NEXMIF: variants seen among roughly 807,000 people sequenced by gnomAD.
The protein encoded by NEXMIF is neurite extension and migration factor.
NEXMIF carries 8 observed loss-of-function variants against 62.1 expected under a neutral mutation model. That is an observed-to-expected ratio of 0.13 (90% CI 0.08 to 0.23). The LOEUF (loss-of-function observed/expected upper bound fraction) is 0.23. Among genes scored for constraint, NEXMIF ranks in the 10% least tolerant of loss-of-function variants. The pLI, the probability that NEXMIF is intolerant of heterozygous loss-of-function variation, is 1.00. For missense variants in NEXMIF, 976 were observed against 1,113.3 expected, an observed-to-expected ratio of 0.88 and a Z score of 1.75; for synonymous variants, 404 against 416.6, an observed-to-expected ratio of 0.97 and a Z score of 0.37.
chrX:74,863,954 A>T (rs2080567604), intron 1 of NEXMIF, among the ~76,000 whole-genome samples: 1 of 112,467 alleles, frequency 8.9e-6, no homozygotes, highest in African/African-American at 3.2e-5. Flanking sequence ...AGGCTGGTTC[A>T]ACATAAGCAA....
intron 1 of NEXMIF, among the ~76,000 whole-genome samples, chrX:74,817,517 A>G (rs1291985753): frequency 8.9e-6 from 1 of 112,344 alleles, no homozygotes; most frequent in African/African-American, 3.2e-5. Context: ...CTAAAGTTGC[A>G]TTCGATGTTA....
At chrX:74,753,105 TTACATTTA>T (rs1268983807) in intron 1 of NEXMIF, among the ~76,000 whole-genome samples, 1 of 112,429 alleles carries the variant, frequency 8.9e-6, no homozygotes, top group Non-Finnish European at 1.9e-5. Flanking sequence ...CAGCACTGAG[TTACATTTA>T]ATGCTTGAGC....
intron 1 of NEXMIF, among the ~76,000 whole-genome samples, chrX:74,783,198 C>T (rs1041334957): frequency 2.7e-5 from 3 of 110,860 alleles, no homozygotes; most frequent in African/African-American, 9.8e-5. Context: ...AGCTTGGCCT[C>T]GGAGCATGAA....
At chrX:74,851,390 A>G (rs1451360812) in intron 1 of NEXMIF, among the ~76,000 whole-genome samples, 3 of 111,352 alleles carry the variant, frequency 2.7e-5, no homozygotes, top group East Asian at 2.8e-4. Context: ...CTCCAAATAC[A>G]TATCGTCTAA....
intron 1 of NEXMIF, among the ~76,000 whole-genome samples, chrX:74,812,659 C>T (rs1279838977): frequency 3.6e-5 from 4 of 111,088 alleles, no homozygotes; most frequent in Admixed American, 9.7e-5. Flanking sequence ...CAGAGAAAGT[C>T]TCAGGAAGAA....
chrX:74,846,149 G>A (rs1336497730), intron 1 of NEXMIF, among the ~76,000 whole-genome samples: 2 of 112,864 alleles, frequency 1.8e-5, no homozygotes, highest in African/African-American at 6.4e-5. Flanking sequence ...GCTACTTGCC[G>A]AAGGGCCCAG....
intron 1 of NEXMIF, among the ~76,000 whole-genome samples, chrX:74,807,175 C>T (rs1042701711): frequency 8.0e-5 from 9 of 112,070 alleles, no homozygotes; most frequent in East Asian, 2.8e-4. Flanking sequence ...TATCCATGTA[C>T]GTGAAATATC....
At chrX:74,820,429 T>C (rs992187991) in intron 1 of NEXMIF, among the ~76,000 whole-genome samples, 1 of 111,191 alleles carries the variant, frequency 9.0e-6, no homozygotes. Flanking sequence ...AGTTCAGCCA[T>C]TGGAAAATCA....
At chrX:74,803,144 C>T (rs1483875702) in intron 1 of NEXMIF, among the ~76,000 whole-genome samples, 1 of 111,846 alleles carries the variant, frequency 8.9e-6, no homozygotes, top group Non-Finnish European at 1.9e-5. Context: ...AGGTAGAAAG[C>T]TTACTCAAAG....
chrX:74,847,849 T>C (rs1426764667), intron 1 of NEXMIF, among the ~76,000 whole-genome samples: 2 of 111,416 alleles, frequency 1.8e-5, no homozygotes, highest in African/African-American at 6.5e-5. Flanking sequence ...GAGTACATAC[T>C]ATGTCAGACA....
At chrX:74,751,480 C>T in intron 1 of NEXMIF, among the ~76,000 whole-genome samples, 1 of 109,196 alleles carries the variant, frequency 9.2e-6, no homozygotes, top group East Asian at 2.9e-4. Flanking sequence ...TTTCTTCTCT[C>T]TGTCTCTCTC....
chrX:74,819,518 G>C (rs1469853346), intron 1 of NEXMIF, among the ~76,000 whole-genome samples: 1 of 111,406 alleles, frequency 9.0e-6, no homozygotes, highest in Non-Finnish European at 1.9e-5. Context: ...CATCAAAAAG[G>C]GAGCGAAGGA....
chrX:74,886,950 A>G (rs1308071050), intron 1 of NEXMIF, among the ~76,000 whole-genome samples: 1 of 110,679 alleles, frequency 9.0e-6, no homozygotes, highest in South Asian at 3.8e-4. Flanking sequence ...ACCAAAACAG[A>G]GATATAGACC....
At chrX:74,845,431 G>T (rs374357774) in intron 1 of NEXMIF, among the ~76,000 whole-genome samples, 2 of 111,362 alleles carry the variant, frequency 1.8e-5, no homozygotes, top group East Asian at 5.6e-4. Context: ...TTTGGGGTGG[G>T]GGTTAGAAAC....
At chrX:74,768,480 TTCAGA>T (rs2080201115) in intron 1 of NEXMIF, among the ~76,000 whole-genome samples, 1 of 112,638 alleles carries the variant, frequency 8.9e-6, no homozygotes, top group South Asian at 3.7e-4. Context: ...GCTTTCTGTC[TTCAGA>T]TCCTTAAAGA....
intron 1 of NEXMIF, among the ~76,000 whole-genome samples, chrX:74,905,814 A>AAAAAC (rs2080766146): frequency 9.0e-6 from 1 of 111,570 alleles, no homozygotes; most frequent in African/African-American, 3.3e-5. Flanking sequence ...CATCTGTCTC[A>AAAAAC]AAAACAAAAC....
intron 1 of NEXMIF, among the ~76,000 whole-genome samples, chrX:74,825,271 G>C (rs755337960): frequency 2.7e-5 from 3 of 111,191 alleles, no homozygotes; most frequent in Non-Finnish European, 5.6e-5. Context: ...TACATGTGCA[G>C]GTTTATTAAA....
Position 74,742,553 on chromosome X carries a change from A to C in NEXMIF, c.2004T>G (p.Asp668Glu). The C allele has an allele frequency of 2.5e-6, 3 of 1,209,423 alleles. No individual in the cohort carries two copies. Among genetic ancestry groups the C allele is most frequent in the Non-Finnish European group, 3.4e-6 (3 of 894,487 alleles). Residue 668 changes from aspartate (D) to glutamate (E), a missense_variant, in exon 3 of 4, where the codon GAT (aspartate) becomes GAG (glutamate). By Grantham distance (45) the Asp-to-Glu change is conservative (BLOSUM62 2). Around this residue, in one of 5 missense-constraint regions of NEXMIF, gnomAD observed 639 missense variants for 694.5 expected, o/e 0.92. Transcript: ENST00000055682. ...ACTTCAGTGTACCTTTTAGGCCTCC[A>C]TCTTCTTTATGATTACTAGCGTGCC... ...DQRHASNHKE[D>E]GGLKGTLKSA...
intron 1 of NEXMIF, among the ~76,000 whole-genome samples, chrX:74,778,526 T>C (rs1229621756): frequency 9.0e-6 from 1 of 111,704 alleles, no homozygotes; most frequent in Non-Finnish European, 1.9e-5. Context: ...TATGTTGATA[T>C]ACATTTAACC....
Sources: allele counts gnomAD v4.1 joint callset (sites outside exome capture counted in the v4.1 genomes callset), GRCh38; gene constraint gnomAD v4.1.1; regional missense constraint gnomAD v4.1.1; transcripts MANE v1.5; gene names NCBI Gene and HGNC (gene_info 2026-07-23, HGNC 2026-07-21).